The following LRCH3 variants were observed in gnomAD, a reference collection of about 807,000 sequenced individuals.
LRCH3 encodes the protein leucine rich repeats and calponin homology domain containing 3.
Under a neutral mutation model 104.5 loss-of-function variants are expected in LRCH3, and 68 were observed. The ratio of observed to expected loss-of-function variants is 0.65; its 90% CI spans 0.54 to 0.80. LRCH3 has a LOEUF of 0.80. Ranked by LOEUF, LRCH3 falls within the 30% of genes least tolerant of loss-of-function variation. LRCH3 has a pLI of 0.00. For missense variants in LRCH3, 951 were observed against 953.9 expected (o/e 1.00, Z 0.04); for synonymous variants, 344 against 361.3 (o/e 0.95, Z 0.54).
chr3:197,792,028 G>A (rs1363011667), intron 1 of LRCH3, among the ~76,000 whole-genome samples: 1 of 151,932 alleles, frequency 6.6e-6, no homozygotes, highest in Non-Finnish European at 1.5e-5. Context: ...GTTTAAAGTG[G>A]ACCCGAAAGA....
intron 1 of LRCH3, among the ~76,000 whole-genome samples, chr3:197,802,614 C>T (rs1417096839): frequency 6.6e-6 from 1 of 152,104 alleles, no homozygotes; most frequent in Non-Finnish European, 1.5e-5. Flanking sequence ...TGGTAGAATT[C>T]AGCAGTGAAA....
intron 15 of LRCH3, 21 bp from the exon 16 acceptor site, chr3:197,865,400 GAT>G: frequency 6.7e-7 from 1 of 1,485,058 alleles, no homozygotes; most frequent in Non-Finnish European, 9.3e-7. Flanking sequence ...AACAATTATT[GAT>G]ATATGTCTGT....
intron 8 of LRCH3, among the ~76,000 whole-genome samples, chr3:197,833,290 C>T (rs1048040773): frequency 4.0e-5 from 5 of 126,022 alleles, no homozygotes; most frequent in East Asian, 2.7e-4. Flanking sequence ...GAGGTTGAGG[C>T]GGGTGGATCA....
chr3:197,867,748 G>A (rs558972463), intron 17 of LRCH3, among the ~76,000 whole-genome samples: 2 of 151,946 alleles, frequency 1.3e-5, no homozygotes, highest in Middle Eastern at 3.2e-3. Flanking sequence ...CCAGCTACTC[G>A]GGAGGCTGAG....
At chr3:197,829,499 TATG>T (rs1446769682) in intron 5 of LRCH3, 62 bp from the exon 6 acceptor site, 2 of 960,872 alleles carry the variant, frequency 2.1e-6, no homozygotes. Flanking sequence ...AAAATGTTGA[TATG>T]ATAAAAAGGA....
chr3:197,883,192 C>T lies in LRCH3; in HGVS notation c.2209-349C>T. 1 of 995,774 alleles carries T rather than the reference C, an allele frequency of 1.0e-6. No homozygotes were observed. Among genetic ancestry groups the T allele is most frequent in the Non-Finnish European group, 1.2e-6 (1 of 836,988 alleles). 61.7% of individuals were successfully genotyped at this position (995,774 alleles called of 1,614,324 possible). A position where few individuals can be genotyped will look rare whatever the true frequency, so the allele number is the denominator to read the frequency against. On this transcript the variant is annotated intron_variant, in intron 20 of 20. Coordinates refer to ENST00000425562, the MANE Select transcript of LRCH3 (RefSeq NM_001365715.1). This position sits in a 1 kb window ranked among gnomAD's most constrained non-coding sequence, Gnocchi z 4.2. ...AATTGTTTTTCTATTTTTCACCTGC[C>T]TATTTTATAGACCTGTATTGACCTT...
At chr3:197,873,836 CATG>C (rs1384231148) in intron 19 of LRCH3, among the ~76,000 whole-genome samples, 1 of 152,024 alleles carries the variant, frequency 6.6e-6, no homozygotes, top group Non-Finnish European at 1.5e-5. Context: ...TCCTGGCCAA[CATG>C]ATGAAACCCC....
intron 12 of LRCH3, chr3:197,850,978 C>T (rs974420686): frequency 2.6e-6 from 2 of 780,784 alleles, no homozygotes; most frequent in African/African-American, 3.4e-5. Flanking sequence ...CCTCAGGCTG[C>T]TTAGGGAAAG....
rs966906531 is a variant in LRCH3 at position 197,792,977 on chromosome 3, C to T, written c.262+1437C>T. On this transcript the variant is annotated intron_variant, in intron 1 of 20. Coordinates refer to ENST00000425562, the MANE Select transcript of LRCH3 (RefSeq NM_001365715.1). ...AATATTTTGTATTTTTTTGTAGAGA[C>T]GGGGTTTTGCTATGTTGCCCAGGCT... Among the ~76,000 whole-genome samples the T allele has an allele frequency of 5.3e-5, 8 of 151,872 alleles. No homozygotes were observed. In the East Asian group the frequency reaches 7.7e-4, roughly 15 times the overall value.
At chr3:197,866,249 G>T in intron 17 of LRCH3, 30 bp downstream of exon 17, 1 of 1,534,736 alleles carries the variant, frequency 6.5e-7, no homozygotes, top group Non-Finnish European at 9.0e-7. Flanking sequence ...AAAGCCAGGA[G>T]CGAGGGGAGG....
intron 12 of LRCH3, chr3:197,851,049 G>T (rs981491156): frequency 3.9e-5 from 28 of 711,276 alleles, no homozygotes; most frequent in Middle Eastern, 8.0e-4. Flanking sequence ...AGTTTACTAA[G>T]ATTAAATACT....
chr3:197,792,472 A>G (rs1224539953), intron 1 of LRCH3, among the ~76,000 whole-genome samples: 1 of 148,300 alleles, frequency 6.7e-6, no homozygotes, highest in African/African-American at 2.5e-5. Flanking sequence ...CAGTGCCGTC[A>G]TCACTGCTCA....
intron 10 of LRCH3, among the ~76,000 whole-genome samples, chr3:197,841,107 T>A (rs1425749348): frequency 6.6e-6 from 1 of 152,228 alleles, no homozygotes; most frequent in African/African-American, 2.4e-5. Flanking sequence ...ATATTATACT[T>A]CTGGAGGATA....
At chr3:197,861,043 C>T (rs1436380027) in intron 15 of LRCH3, among the ~76,000 whole-genome samples, 1 of 150,990 alleles carries the variant, frequency 6.6e-6, no homozygotes, top group Non-Finnish European at 1.5e-5. Context: ...ACAATCTCGG[C>T]TCACTGCAAC....
At chr3:197,867,519 A>C (rs1711505840) in intron 17 of LRCH3, among the ~76,000 whole-genome samples, 1 of 151,370 alleles carries the variant, frequency 6.6e-6, no homozygotes, top group Admixed American at 6.6e-5. Flanking sequence ...GGAGTTCGAG[A>C]CCATCCTGTG....
rs1736693311 is a variant in LRCH3 at position 197,835,669 on chromosome 3, T to C, written c.1103-5T>C. ...TGTGTGTGGGTGTGTGTGTGGTGTA[T>C]ACAGTGGAACATGATCTGGATCAGA... On this transcript the variant is annotated splice_region_variant and splice_polypyrimidine_tract_variant and intron_variant, in intron 8 of 20. Transcript: ENST00000425562. 3.1e-6 allele frequency: 5 copies of C among 1,611,398 alleles called. No homozygotes were observed. The highest frequency in any genetic ancestry group is 4.2e-6 in the Non-Finnish European group (5 of 1,178,664).
Position 197,883,162 on chromosome 3 carries a change from C to G in LRCH3, c.2209-379C>G. 1.0e-6 allele frequency: 1 copy of G among 991,548 alleles called. No individual in the cohort carries two copies. Among genetic ancestry groups the G allele is most frequent in the Non-Finnish European group, 1.2e-6 (1 of 834,114 alleles). 61.4% of individuals were successfully genotyped at this position (991,548 alleles called of 1,614,324 possible). ...CTTTTACTCTTGAGCCATCTGGTAG[C>G]GTGGAATTGTTTTTCTATTTTTCAC... On this transcript the variant is annotated intron_variant, in intron 20 of 20. Coordinates refer to ENST00000425562, the MANE Select transcript of LRCH3 (RefSeq NM_001365715.1). This position sits in a 1 kb window ranked among gnomAD's most constrained non-coding sequence, Gnocchi z 4.2.
chr3:197,836,623 GA>G (rs1039455054), intron 9 of LRCH3, among the ~76,000 whole-genome samples: 4 of 150,934 alleles, frequency 2.7e-5, no homozygotes, highest in Admixed American at 6.6e-5. Context: ...TAAAAGGAAA[GA>G]AAAAAAAAGA....
At chr3:197,863,411 C>T (rs1450496404) in intron 15 of LRCH3, among the ~76,000 whole-genome samples, 2 of 152,112 alleles carry the variant, frequency 1.3e-5, no homozygotes, top group East Asian at 3.9e-4. Context: ...ACAGGCGCCA[C>T]CACCATGCCC....
Sources: gnomAD v4.1 joint callset for allele counts (sites outside exome capture counted in the v4.1 genomes callset) on GRCh38, gnomAD v4.1.1 for gene constraint, Gnocchi (gnomAD v3.1) non-coding constraint, MANE v1.5 for transcripts, NCBI Gene and HGNC (gene_info 2026-07-23, HGNC 2026-07-21) for gene names.